The following EPHB1 variants were observed in gnomAD, a reference collection of about 807,000 sequenced individuals.
The protein encoded by EPHB1 is EPH receptor B1, also known as ephrin type-B receptor 1.
In EPHB1, 30 loss-of-function variants were observed where a neutral mutation model predicts 94.4. That is an observed-to-expected ratio of 0.32 (90% confidence interval 0.24 to 0.43). The LOEUF is 0.43. Among genes scored for constraint, EPHB1 ranks in the 20% least tolerant of loss-of-function variants. The pLI, the probability that EPHB1 is intolerant of heterozygous loss-of-function variation, is 1.00. For synonymous variants in EPHB1, 522 were observed against 489.1 expected (o/e 1.07, Z -0.89); for missense variants, 1,055 against 1,308.3 (o/e 0.81, Z 2.99).
At chr3:135,228,505 C>T (rs1943453930) in intron 12 of EPHB1, among the ~76,000 whole-genome samples, 1 of 152,188 alleles carries the variant, frequency 6.6e-6, no homozygotes, top group Admixed American at 6.5e-5. Flanking sequence ...CCCATTTTCA[C>T]ATCCTCTTCC....
At chr3:135,154,431 G>T in intron 6 of EPHB1, 155 bp downstream of exon 6, 5 of 1,063,758 alleles carry the variant, frequency 4.7e-6, no homozygotes, top group Non-Finnish European at 6.6e-6. Context: ...CTCCAGGTCT[G>T]CCCTGACAAA....
At chr3:135,138,692 A>G (rs1312694166) in intron 5 of EPHB1, among the ~76,000 whole-genome samples, 1 of 152,242 alleles carries the variant, frequency 6.6e-6, no homozygotes, top group Non-Finnish European at 1.5e-5. Context: ...AAGGACTTGA[A>G]AGAAAACTTT....
At chr3:135,235,073 G>A (rs975613572) in intron 12 of EPHB1, among the ~76,000 whole-genome samples, 1 of 152,130 alleles carries the variant, frequency 6.6e-6, no homozygotes, top group African/African-American at 2.4e-5. Flanking sequence ...GAGTCACCTG[G>A]GGAAAGTTTT....
At chr3:134,981,044 C>T (rs1934383826) in intron 3 of EPHB1, among the ~76,000 whole-genome samples, 1 of 152,168 alleles carries the variant, frequency 6.6e-6, no homozygotes, top group African/African-American at 2.4e-5. Flanking sequence ...GGGTATCAGA[C>T]CTTACAGGAT....
chr3:134,908,571 G>A lies in EPHB1; in HGVS notation c.59-17245G>A, dbSNP rs7634749. Among the ~76,000 whole-genome samples the A allele has an allele frequency of 5.9e-3, 892 of 152,330 alleles. 5 individuals carry two copies. Among genetic ancestry groups the A allele is most frequent in the African/African-American group, 0.02 (839 of 41,570 alleles). On this transcript the variant is annotated intron_variant, in intron 1 of 15. Coordinates refer to ENST00000398015, the MANE Select transcript of EPHB1 (RefSeq NM_004441.5). ...CAACTCTCCACAGAGCTCCACCAGC[G>A]TGGTGAGGACAGGGGCAGGGCTGGG...
chr3:134,874,620 G>T (rs1163626517), intron 1 of EPHB1, among the ~76,000 whole-genome samples: 1 of 152,246 alleles, frequency 6.6e-6, no homozygotes, highest in Non-Finnish European at 1.5e-5. Flanking sequence ...GCATTGGGAT[G>T]GTGGGTCCTT....
intron 3 of EPHB1, among the ~76,000 whole-genome samples, chr3:134,988,717 C>A (rs1934692042): frequency 6.6e-6 from 1 of 152,192 alleles, no homozygotes; most frequent in Non-Finnish European, 1.5e-5. Context: ...GTATAGTAAT[C>A]CTTCCCCAAC....
Position 134,963,957 on chromosome 3 carries a change from T to G in EPHB1, c.805+11905T>G, listed in dbSNP as rs3940695. Among the ~76,000 whole-genome samples, 9 of 152,164 alleles carry G rather than the reference T, an allele frequency of 5.9e-5. No individual in the cohort carries two copies. The East Asian group carries it at 1.7e-3, about 29-fold the overall frequency. ...ACCAGTGAGAGTGAACTGAAGTCACTGTCACTGCACCTGTCACCTGCATCA... is the reference window on the plus strand; with the variant it reads ...ACCAGTGAGAGTGAACTGAAGTCACGGTCACTGCACCTGTCACCTGCATCA... On this transcript the variant is annotated intron_variant, in intron 3 of 15. Coordinates refer to ENST00000398015, the MANE Select transcript of EPHB1 (RefSeq NM_004441.5).
At chr3:135,070,029 A>G (rs927039571) in intron 3 of EPHB1, among the ~76,000 whole-genome samples, 1 of 152,176 alleles carries the variant, frequency 6.6e-6, no homozygotes, top group East Asian at 1.9e-4. Flanking sequence ...GGGATGTGCT[A>G]TGCAGCTTCC....
At chr3:135,052,890 A>AATATATATATAT (rs1553726756) in intron 3 of EPHB1, among the ~76,000 whole-genome samples, 2 of 54,606 alleles carry the variant, frequency 3.7e-5, no homozygotes, top group African/African-American at 2.1e-4. Flanking sequence ...AAAAAAAAAA[A>AATATATATATAT]ATATATATAT....
chr3:135,166,093 C>A lies in EPHB1; in HGVS notation c.1694+17C>A. 1 of 1,592,440 alleles carries A rather than the reference C, an allele frequency of 6.3e-7. No homozygotes were observed. The highest frequency in any genetic ancestry group is 8.6e-7 in the Non-Finnish European group (1 of 1,160,516). ...CTGTAGCAGGTAGGTCCTCCACTCT[C>A]ACTTGCTCTCCTTGGACCCAGGAAG... On this transcript the variant is annotated intron_variant, in intron 8 of 15. Transcript: ENST00000398015.
At chr3:134,916,640 G>A (rs39705) in intron 1 of EPHB1, among the ~76,000 whole-genome samples, 51,911 of 152,170 alleles carry the variant, frequency 0.34, 9,981 homozygotes, top group East Asian at 0.53. Flanking sequence ...GGCGCGGCCA[G>A]CCGGCAGCTC....
At chr3:135,168,772 G>T (rs1281418342) in intron 9 of EPHB1, among the ~76,000 whole-genome samples, 1 of 152,180 alleles carries the variant, frequency 6.6e-6, no homozygotes, top group Admixed American at 6.5e-5. Context: ...CTGGCATCCT[G>T]TGAATGCTGT....
At chr3:134,966,564 T>A (rs928413366) in intron 3 of EPHB1, among the ~76,000 whole-genome samples, 4 of 152,096 alleles carry the variant, frequency 2.6e-5, no homozygotes, top group Non-Finnish European at 5.9e-5. Flanking sequence ...TTATTGATAA[T>A]TTTTGTTCTG....
chr3:135,151,879 T>C (rs981358079), intron 5 of EPHB1, among the ~76,000 whole-genome samples: 5 of 152,166 alleles, frequency 3.3e-5, no homozygotes, highest in African/African-American at 1.2e-4. Context: ...ATGAGGAGCA[T>C]ACCATGGGGA....
At chr3:135,183,649 G>A (rs1284878364) in intron 10 of EPHB1, among the ~76,000 whole-genome samples, 2 of 152,284 alleles carry the variant, frequency 1.3e-5, no homozygotes, top group South Asian at 2.1e-4. Context: ...CCTGGAGATG[G>A]GAGAGAAGGC....
At chr3:134,880,842 A>T (rs899733150) in intron 1 of EPHB1, among the ~76,000 whole-genome samples, 4 of 152,254 alleles carry the variant, frequency 2.6e-5, no homozygotes, top group African/African-American at 9.6e-5. Context: ...TTAGGCAGCC[A>T]GGAATTGGGT....
Position 134,842,706 on chromosome 3 carries a change from T to C in EPHB1, c.58+47017T>C, listed in dbSNP as rs145040647. Among the ~76,000 whole-genome samples, 499 of 152,316 alleles carry C rather than the reference T, an allele frequency of 3.3e-3. 3 individuals are homozygous for C. Among genetic ancestry groups the C allele is most frequent in the Non-Finnish European group, 5.4e-3 (364 of 68,034 alleles). On this transcript the variant is annotated intron_variant, in intron 1 of 15. Transcript: ENST00000398015. ...CTTCTTCAAACATGTCTTTCCCATC[T>C]CCACACCTTTGATTGTTCAATTCTC...
intron 3 of EPHB1, among the ~76,000 whole-genome samples, chr3:135,080,465 A>G (rs1284219041): frequency 1.3e-5 from 2 of 152,154 alleles, no homozygotes; most frequent in Admixed American, 1.3e-4. Context: ...ATAAAGGGTG[A>G]ATTGCTCCAG....
Sources: allele counts gnomAD v4.1 joint callset (sites outside exome capture counted in the v4.1 genomes callset), GRCh38; gene constraint gnomAD v4.1.1; transcripts MANE v1.5; gene names NCBI Gene and HGNC (gene_info 2026-07-23, HGNC 2026-07-21).